MAP3K4: variants seen among roughly 807,000 people sequenced by gnomAD.
MAP3K4 encodes MAP three kinase 1.
A neutral mutation model predicts 185.6 loss-of-function variants in MAP3K4; 67 were observed. The ratio of observed to expected loss-of-function variants is 0.36; its 90% CI spans 0.30 to 0.44. The LOEUF (loss-of-function observed/expected upper bound fraction) is 0.44. Among genes scored for constraint, MAP3K4 ranks in the 20% least tolerant of loss-of-function variants. The pLI is 1.00. For missense variants in MAP3K4, 1,551 were observed against 1,995.1 expected (o/e 0.78, Z 4.24); for synonymous variants, 702 against 710.4 (o/e 0.99, Z 0.19).
In MAP3K4 at chr6:161,084,544, G is replaced by C. The variant is rs147388167; in HGVS notation, c.2299G>C (p.Glu767Gln). Residue 767 changes from glutamate (E) to glutamine (Q), a missense_variant, in exon 7 of 27, where the codon GAA (glutamate) becomes CAA (glutamine). This residue lies in a region of MAP3K4 where 130 missense variants were observed against 171.3 expected (regional missense o/e 0.76). Coordinates refer to ENST00000392142, the MANE Select transcript of MAP3K4 (RefSeq NM_005922.4). The surrounding 1 kb of genome is among the most constrained non-coding windows in gnomAD (Gnocchi z 4.6). ...MLLKSTGSFL[E>Q]FGLQESCAEF... is the part of the protein sequence containing the mutation. ...GCTGAAATCTACAGGAAGTTTTTTA[G>C]AATTTGGCTTACAGGAGAGCTGTGC... 8 of 1,611,112 alleles carry C rather than the reference G, an allele frequency of 5.0e-6. No homozygotes were observed. In the South Asian group the frequency reaches 8.8e-5, roughly 18 times the overall value.
At chr6:161,006,704 T>C (rs1490989151) in intron 1 of MAP3K4, among the ~76,000 whole-genome samples, 3 of 152,178 alleles carry the variant, frequency 2.0e-5, no homozygotes, top group Non-Finnish European at 4.4e-5. Flanking sequence ...TAGGAACATA[T>C]ACAGAATATA....
rs1366129438 is a variant in MAP3K4 at position 161,106,511 on chromosome 6, C to T, written c.3857-3C>T. ...ACTAATGAGGTTTTGGTTCTCTCTG[C>T]AGATACTGCTTCTAAACTAGGACCC... On this transcript the variant is annotated splice_region_variant and splice_polypyrimidine_tract_variant and intron_variant, in intron 19 of 26. Coordinates refer to ENST00000392142, the MANE Select transcript of MAP3K4 (RefSeq NM_005922.4). The surrounding 1 kb of genome is among the most constrained non-coding windows in gnomAD (Gnocchi z 4.9). 7.5e-6 allele frequency: 12 copies of T among 1,602,068 alleles called. No homozygotes were observed. Among genetic ancestry groups the T allele is most frequent in the Non-Finnish European group, 1.0e-5 (12 of 1,174,750 alleles).
At chr6:161,036,568 T>A (rs1303955579) in intron 2 of MAP3K4, among the ~76,000 whole-genome samples, 2 of 152,220 alleles carry the variant, frequency 1.3e-5, no homozygotes, top group Non-Finnish European at 1.5e-5. Context: ...ATTTAATGTT[T>A]TATGAACTTT....
chr6:161,086,229 C>G lies in MAP3K4; in HGVS notation c.2373-150C>G. ...AGGCTTCTGAATGTTTTGACTACAT[C>G]TTCAATAATAGTTTGTTCCCATTTA... is the stretch of plus-strand genomic sequence containing the variant. On this transcript the variant is annotated intron_variant, in intron 7 of 26. Coordinates refer to ENST00000392142, the MANE Select transcript of MAP3K4 (RefSeq NM_005922.4). This position sits in a 1 kb window ranked among gnomAD's most constrained non-coding sequence, Gnocchi z 4.8. 2.0e-6 allele frequency: 1 copy of G among 496,172 alleles called. No individual in the cohort carries two copies. The highest frequency in any genetic ancestry group is 3.6e-6 in the Non-Finnish European group (1 of 281,538). 30.7% of individuals were successfully genotyped at this position (496,172 alleles called of 1,614,324 possible).
At chr6:161,058,238 T>C (rs1460093751) in intron 3 of MAP3K4, among the ~76,000 whole-genome samples, 3 of 152,212 alleles carry the variant, frequency 2.0e-5, no homozygotes, top group African/African-American at 7.2e-5. Flanking sequence ...TGACTTAGTG[T>C]CTAATATTTT....
Position 161,102,696 on chromosome 6 carries a change from C to T in MAP3K4, c.3776-3C>T. Reference sequence around the variant, plus strand: ...TAATTTGTATAAAAATAACTTCCTGCAGAACCAGCATATCCAAGAGGAGAT... The same window carrying T: ...TAATTTGTATAAAAATAACTTCCTGTAGAACCAGCATATCCAAGAGGAGAT... On this transcript the variant is annotated splice_region_variant and splice_polypyrimidine_tract_variant and intron_variant, in intron 18 of 26. Coordinates refer to ENST00000392142, the MANE Select transcript of MAP3K4 (RefSeq NM_005922.4). 1 of 1,559,186 alleles carries T rather than the reference C, an allele frequency of 6.4e-7. No individual in the cohort carries two copies. Among genetic ancestry groups the T allele is most frequent in the Non-Finnish European group, 8.6e-7 (1 of 1,157,314 alleles).
rs1266879754 is a variant in MAP3K4, at chr6:161,053,375, C to T, written c.1707+3396C>T. ...TCAACATAGGGTGGGGACACAGATCCACATCTTATCAAATGGTAAAATGCT... is the reference window on the plus strand; with the variant it reads ...TCAACATAGGGTGGGGACACAGATCTACATCTTATCAAATGGTAAAATGCT... On this transcript the variant is annotated intron_variant, in intron 3 of 26. Transcript: ENST00000392142. The surrounding 1 kb of genome is among the most constrained non-coding windows in gnomAD (Gnocchi z 4.2). 2.6e-5 allele frequency among the ~76,000 whole-genome samples: 4 copies of T among 152,194 alleles called. No individual in the cohort carries two copies. Among genetic ancestry groups the T allele is most frequent in the South Asian group, 4.1e-4 (2 of 4,828 alleles).
At position 161,108,212 on chromosome 6, in the gene MAP3K4, C is replaced by T. The variant is rs1387448712; in HGVS notation, c.4119+243C>T. 1.3e-5 allele frequency among the ~76,000 whole-genome samples: 2 copies of T among 152,118 alleles called. No individual in the cohort carries two copies. The highest frequency in any genetic ancestry group is 4.8e-5 in the African/African-American group (2 of 41,422). ...CTAACAGCACAGGTGTGAGAAGGGC[C>T]TATGAGGGTGGCAGAGCTGAGTCTG... On this transcript the variant is annotated intron_variant, in intron 21 of 26. Coordinates refer to ENST00000392142, the MANE Select transcript of MAP3K4 (RefSeq NM_005922.4). The surrounding 1 kb of genome is among the most constrained non-coding windows in gnomAD (Gnocchi z 5.7).
rs552215611 is a variant in MAP3K4, at chr6:161,001,884, T to C, written c.152+9801T>C. On this transcript the variant is annotated intron_variant, in intron 1 of 26. Transcript: ENST00000392142. ...GCTGTTTTATTACATTTCTCTTTCT[T>C]CCTCTTTTTGGGCTTAAGGTAAAAG... Among the ~76,000 whole-genome samples, 8 of 152,252 alleles carry C rather than the reference T, an allele frequency of 5.3e-5. No individual in the cohort carries two copies. The South Asian group carries it at 1.7e-3, about 32-fold the overall frequency.
At chr6:161,113,994 A>G (rs534755791) in intron 25 of MAP3K4, among the ~76,000 whole-genome samples, 2 of 151,982 alleles carry the variant, frequency 1.3e-5, no homozygotes, top group East Asian at 3.9e-4. Flanking sequence ...ACAGGGTTTC[A>G]CTGTGTTGGC....
intron 2 of MAP3K4, among the ~76,000 whole-genome samples, chr6:161,041,490 G>C (rs1783448334): frequency 1.3e-5 from 2 of 152,230 alleles, no homozygotes; most frequent in Admixed American, 6.5e-5. Flanking sequence ...TCGCATGGAG[G>C]ACTTGCCTCT....
rs756058317 is a variant in MAP3K4, at chr6:161,064,875, G to A, written c.1708-5733G>A. ...GCAGAGGTCAGGAAGTGCAGACAGG[G>A]AGAGAGGGAGGGACCCATGGGCCAA... is the stretch of plus-strand genomic sequence containing the variant. On this transcript the variant is annotated intron_variant, in intron 3 of 26. Transcript: ENST00000392142. The surrounding 1 kb of genome is among the most constrained non-coding windows in gnomAD (Gnocchi z 4.3). Among the ~76,000 whole-genome samples the A allele has an allele frequency of 6.6e-6, 1 of 152,200 alleles. No individual in the cohort carries two copies. Among genetic ancestry groups the A allele is most frequent in the Non-Finnish European group, 1.5e-5 (1 of 68,026 alleles).
At chr6:161,078,283 G>T (rs186243074) in intron 5 of MAP3K4, among the ~76,000 whole-genome samples, 1 of 152,336 alleles carries the variant, frequency 6.6e-6, no homozygotes, top group East Asian at 1.9e-4. Flanking sequence ...TGGGCAGGGG[G>T]AATGGGATGG....
chr6:161,081,213 AT>A (rs1319190774), intron 6 of MAP3K4, among the ~76,000 whole-genome samples, 175 bp downstream of exon 6: 2 of 137,134 alleles, frequency 1.5e-5, no homozygotes, highest in Admixed American at 8.4e-5. Flanking sequence ...GTCAGGGGTG[AT>A]TTTTTCCCCT....
At chr6:161,032,472 T>C (rs752648252) in intron 1 of MAP3K4, among the ~76,000 whole-genome samples, 2 of 152,234 alleles carry the variant, frequency 1.3e-5, no homozygotes, top group Non-Finnish European at 2.9e-5. Flanking sequence ...AAGTATTTAT[T>C]ATCCTTATTT....
chr6:161,076,503 A>T lies in MAP3K4; in HGVS notation c.2097+2891A>T. The stretch of plus-strand genomic sequence containing the variant: ...GTAGGTCAAAGGAAGTAACTTGGTG[A>T]GCATTTGGAACATCAAATCTAAATC... On this transcript the variant is annotated intron_variant, in intron 5 of 26. Coordinates refer to ENST00000392142, the MANE Select transcript of MAP3K4 (RefSeq NM_005922.4). This position sits in a 1 kb window ranked among gnomAD's most constrained non-coding sequence, Gnocchi z 4.2. Among the ~76,000 whole-genome samples the T allele has an allele frequency of 6.6e-6, 1 of 152,258 alleles. No individual in the cohort carries two copies. Among genetic ancestry groups the T allele is most frequent in the South Asian group, 2.1e-4 (1 of 4,832 alleles).
chr6:161,070,484 C>T lies in MAP3K4; in HGVS notation c.1708-124C>T. ...CATTAAATTATTAAATATTCTTTTCCCTGTAAAATTAGAATTTTTGTAGAT... is the reference window on the plus strand; with the variant it reads ...CATTAAATTATTAAATATTCTTTTCTCTGTAAAATTAGAATTTTTGTAGAT... On this transcript the variant is annotated intron_variant, in intron 3 of 26. Coordinates refer to ENST00000392142, the MANE Select transcript of MAP3K4 (RefSeq NM_005922.4). The surrounding 1 kb of genome is among the most constrained non-coding windows in gnomAD (Gnocchi z 4.5). 7 of 644,456 alleles carry T rather than the reference C, an allele frequency of 1.1e-5. No individual in the cohort carries two copies. Among genetic ancestry groups the T allele is most frequent in the Non-Finnish European group, 1.2e-5 (5 of 401,428 alleles). The allele number at this position is 644,456 out of a possible 1,614,324, so 39.9% of individuals were successfully genotyped here.
In MAP3K4 at chr6:161,037,011, C is replaced by T. The variant is rs115617092; in HGVS notation, c.343+2562C>T. Among the ~76,000 whole-genome samples, 1,210 of 152,286 alleles carry T rather than the reference C, an allele frequency of 7.9e-3. 15 individuals are homozygous for T. The highest frequency in any genetic ancestry group is 0.027 in the African/African-American group (1,125 of 41,552). ...AGGAAACTGGCTCAGAGAAGTTTTA[C>T]GGCTTTCAATTTTAAATGTCTCAGT... On this transcript the variant is annotated intron_variant, in intron 2 of 26. Transcript: ENST00000392142. This position sits in a 1 kb window ranked among gnomAD's most constrained non-coding sequence, Gnocchi z 4.2.
intron 1 of MAP3K4, among the ~76,000 whole-genome samples, chr6:161,023,212 A>T (rs1417477265): frequency 6.6e-6 from 1 of 152,096 alleles, no homozygotes; most frequent in East Asian, 1.9e-4. Flanking sequence ...TTTAAAATTT[A>T]TTCTCTTTTT....
Sources: allele counts gnomAD v4.1 joint callset (sites outside exome capture counted in the v4.1 genomes callset), GRCh38; gene constraint gnomAD v4.1.1; regional missense constraint gnomAD v4.1.1; non-coding constraint Gnocchi (gnomAD v3.1); transcripts MANE v1.5; gene names NCBI Gene and HGNC (gene_info 2026-07-23, HGNC 2026-07-21).